Variants in ADGRG1 observed in about 807,000 individuals in gnomAD.
ADGRG1 encodes adhesion G protein-coupled receptor G1.
ADGRG1 carries 53 observed loss-of-function variants against 73.5 expected under a neutral mutation model. That is an observed-to-expected ratio of 0.72 (90% CI 0.58 to 0.91). ADGRG1 has a LOEUF of 0.91. Among genes scored for constraint, ADGRG1 ranks in the 40% least tolerant of loss-of-function variants. The pLI, the probability that ADGRG1 is intolerant of heterozygous loss-of-function variation, is 0.00. For synonymous variants in ADGRG1, 394 were observed against 374.4 expected (o/e 1.05, Z -0.60); for missense variants, 795 against 871.8 (o/e 0.91, Z 1.11).
At chr16:57,657,340 A>G (rs2045983381) in intron 9 of ADGRG1, 33 bp from the exon 10 acceptor site, 2 of 1,613,608 alleles carry the variant, frequency 1.2e-6, no homozygotes, top group Middle Eastern at 1.7e-4. Flanking sequence ...TGGGGGACAC[A>G]GAGGCCAGCT....
At chr16:57,641,969 C>G (rs1326338027) in intron 1 of ADGRG1, 1 of 362,114 alleles carries the variant, frequency 2.8e-6, no homozygotes, top group African/African-American at 2.2e-5. Flanking sequence ...CTCACTGCAG[C>G]CTCAAACTCC....
Position 57,652,961 on chromosome 16 carries a change from A to G in ADGRG1, c.488-242A>G, listed in dbSNP as rs2044484853. ...CTGCGGAGGGTGCTGAGCAAGGCAC[A>G]TCCCACCCCATCCCGCTGGGGCTGG... On this transcript the variant is annotated intron_variant, in intron 3 of 13. Transcript: ENST00000562631. 2.9e-6 allele frequency: 4 copies of G among 1,392,576 alleles called. No homozygotes were observed. In the African/African-American group the frequency reaches 5.8e-5, roughly 20 times the overall value. 86.3% of individuals were successfully genotyped at this position (1,392,576 alleles called of 1,614,324 possible).
chr16:57,650,625 A>C (rs528330010), intron 2 of ADGRG1: 4 of 153,358 alleles, frequency 2.6e-5, no homozygotes, highest in African/African-American at 7.3e-5. Flanking sequence ...ACAACCGTCT[A>C]TGTCAGCCAT....
Position 57,651,378 on chromosome 16 carries a change from C to T in ADGRG1, c.243C>T (p.Phe81=), listed in dbSNP as rs58068378. The T allele has an allele frequency of 1.7e-4, 270 of 1,614,242 alleles. 1 individual carries two copies. The African/African-American group carries it at 3.4e-3, about 20-fold the overall frequency. ...FPAAHPASRS[F]PDPRGLYHFC... is the part of the protein sequence containing the mutation. Reference sequence around the variant, plus strand: ...CAGCCCACCCTGCTTCCCGATCCTTCCCTGACCCCAGGGGCCTCTACCACT... The same window carrying T: ...CAGCCCACCCTGCTTCCCGATCCTTTCCTGACCCCAGGGGCCTCTACCACT... Residue 81 remains phenylalanine (F), a synonymous_variant, in exon 3 of 14, where the codon TTC becomes TTT. Coordinates refer to ENST00000562631, the MANE Select transcript of ADGRG1 (RefSeq NM_201525.4).
chr16:57,636,007 C>T (rs1313604581), intron 1 of ADGRG1: 4 of 985,292 alleles, frequency 4.1e-6, no homozygotes, highest in Non-Finnish European at 4.8e-6. Flanking sequence ...CCTCGGGACA[C>T]ACCCCACCCC....
chr16:57,653,827 T>C (rs1015083271), intron 4 of ADGRG1, 159 bp from the exon 5 acceptor site: 5 of 984,970 alleles, frequency 5.1e-6, no homozygotes, highest in Non-Finnish European at 6.0e-6. Flanking sequence ...TTTTGTCTGC[T>C]CTCCACTCTC....
chr16:57,657,129 G>C (rs2045931254), intron 9 of ADGRG1: 1 of 153,102 alleles, frequency 6.5e-6, no homozygotes, highest in South Asian at 2.1e-4. Context: ...ACAGAATAGG[G>C]GTTCTCTCAT....
At chr16:57,622,194 A>G (rs886982965) in intron 2 of ADGRG1, 9 of 152,122 alleles carry the variant, frequency 5.9e-5, no homozygotes, top group African/African-American at 2.2e-4. Context: ...AAGATACAGC[A>G]GTGGCAGTGA....
intron 13 of ADGRG1, chr16:57,663,043 A>T: frequency 1.0e-6 from 1 of 985,294 alleles, no homozygotes; most frequent in Non-Finnish European, 1.2e-6. Flanking sequence ...ATTCACACAG[A>T]CATTTACTAA....
chr16:57,663,304 C>T (rs1264027155), intron 13 of ADGRG1, 148 bp from the exon 14 acceptor site: 11 of 1,519,178 alleles, frequency 7.2e-6, no homozygotes, highest in African/African-American at 2.7e-5. Flanking sequence ...AGGAGGTGCT[C>T]GCTGGGTCTC....
Position 57,651,306 on chromosome 16 carries a change from C to A in ADGRG1, c.171C>A (p.Ser57=). ...HYKPTPDLRI[S]IENSEEALTV... The stretch of plus-strand genomic sequence containing the variant: ...AACCCACACCAGACCTGCGCATCTC[C>A]ATCGAGAACTCCGAAGAGGCCCTCA... Residue 57 remains serine (S), a synonymous_variant, in exon 3 of 14, where the codon TCC becomes TCA. Coordinates refer to ENST00000562631, the MANE Select transcript of ADGRG1 (RefSeq NM_201525.4). 1 of 1,614,184 alleles carries A rather than the reference C, an allele frequency of 6.2e-7. No individual in the cohort carries two copies. The highest frequency in any genetic ancestry group is 8.5e-7 in the Non-Finnish European group (1 of 1,180,016).
chr16:57,625,725 C>T (rs1017265050), upstream of ADGRG1: 10 of 914,790 alleles, frequency 1.1e-5, no homozygotes, highest in South Asian at 1.0e-4. Context: ...AATCAGGCCT[C>T]TCCCTACCCA....
chr16:57,661,886 C>T lies in ADGRG1; in HGVS notation c.1854C>T (p.Ala618=), dbSNP rs756434330. The change falls in exon 13 of 14, where the codon GCC becomes GCT. Residue 618 remains alanine (A), a synonymous_variant. Transcript: ENST00000562631. ...GLSLVLGLPW[A]LIFFSFASGT... ...GCCTGGTCCTTGGCCTGCCCTGGGCCTTGATCTTCTTCTCCTTTGCTTCTG... is the reference window on the plus strand; with the variant it reads ...GCCTGGTCCTTGGCCTGCCCTGGGCTTTGATCTTCTTCTCCTTTGCTTCTG... The T allele has an allele frequency of 4.3e-6, 7 of 1,614,148 alleles. No homozygotes were observed. In the Admixed American group the frequency reaches 5.0e-5, roughly 12 times the overall value.
upstream of ADGRG1, chr16:57,627,248 T>G: frequency 4.9e-6 from 1 of 202,258 alleles, no homozygotes; most frequent in Non-Finnish European, 8.8e-6. Flanking sequence ...CCACGTGGCA[T>G]GGGGAAGCTT....
rs375579694 is a variant in ADGRG1 at position 57,651,390 on chromosome 16, G to T, written c.255G>T (p.Arg85Ser). ...CTTCCCGATCCTTCCCTGACCCCAG[G>T]GGCCTCTACCACTTCTGCCTCTACT... ...HPASRSFPDP[R>S]GLYHFCLYWN... The change falls in exon 3 of 14, where the codon AGG (arginine) becomes AGT (serine). Residue 85 changes from arginine (R) to serine (S), a missense_variant. Physicochemically the swap from Arg to Ser is moderately radical, Grantham distance 110 (BLOSUM62 -1). Transcript: ENST00000562631. The T allele has an allele frequency of 6.2e-7, 1 of 1,614,156 alleles. No individual in the cohort carries two copies. Among genetic ancestry groups the T allele is most frequent in the East Asian group, 2.2e-5 (1 of 44,888 alleles).
intron 1 of ADGRG1, chr16:57,636,006 A>C (rs781447782): frequency 1.3e-4 from 124 of 985,162 alleles, no homozygotes; most frequent in Non-Finnish European, 1.4e-4. Context: ...TCCTCGGGAC[A>C]CACCCCACCC....
At position 57,661,387 on chromosome 16, in the gene ADGRG1, G is replaced by A. The variant is rs1277220141; in HGVS notation, c.1665-310G>A. The A allele has an allele frequency of 5.1e-6, 5 of 985,232 alleles. No individual in the cohort carries two copies. In the African/African-American group the frequency reaches 8.7e-5, roughly 17 times the overall value. The allele number at this position is 985,232 out of a possible 1,614,324, so 61.0% of individuals were successfully genotyped here. A position where few individuals can be genotyped will look rare whatever the true frequency, so the allele number is the denominator to read the frequency against. On this transcript the variant is annotated intron_variant, in intron 12 of 13. Coordinates refer to ENST00000562631, the MANE Select transcript of ADGRG1 (RefSeq NM_201525.4). ...ACCCAAACCGGAAGCCAGGGTTCCT[G>A]AGCTCCAGCCTGGGAAGGAATCCTT...
chr16:57,652,944 G>T, intron 3 of ADGRG1: 1 of 1,352,790 alleles, frequency 7.4e-7, no homozygotes, highest in South Asian at 1.5e-5. Context: ...GTCTGCGGAG[G>T]GTGCTGAGCA....
chr16:57,635,445 G>A, intron 1 of ADGRG1: 1 of 985,434 alleles, frequency 1.0e-6, no homozygotes, highest in Non-Finnish European at 1.2e-6. Context: ...ACCCTTGCCA[G>A]CCATGGTGGG....
Sources: allele counts gnomAD v4.1 joint callset, GRCh38; gene constraint gnomAD v4.1.1; transcripts MANE v1.5; gene names NCBI Gene and HGNC (gene_info 2026-07-23, HGNC 2026-07-21).